The following XPO4 variants were observed in gnomAD, a reference collection of about 807,000 sequenced individuals.
The protein encoded by XPO4 is exportin 4.
A neutral mutation model predicts 143.0 loss-of-function variants in XPO4; 39 were observed. The ratio of observed to expected loss-of-function variants is 0.27; its 90% CI spans 0.21 to 0.36. The LOEUF (loss-of-function observed/expected upper bound fraction) is 0.36. Among genes scored for constraint, XPO4 ranks in the 10% least tolerant of loss-of-function variants. The pLI is 1.00. For missense variants in XPO4, 907 were observed against 1,348.0 expected (o/e 0.67, Z 5.12); for synonymous variants, 439 against 474.0 (o/e 0.93, Z 0.96).
chr13:20,842,416 TAAAGG>T (rs2059985668), intron 6 of XPO4, among the ~76,000 whole-genome samples: 6 of 152,206 alleles, frequency 3.9e-5, no homozygotes, highest in African/African-American at 1.4e-4. Flanking sequence ...TTTATACTGG[TAAAGG>T]CCCTTGAAGA....
At chr13:20,900,545 A>T (rs573692728) in intron 1 of XPO4, among the ~76,000 whole-genome samples, 1 of 152,318 alleles carries the variant, frequency 6.6e-6, no homozygotes, top group South Asian at 2.1e-4. Flanking sequence ...AAGAAATAAT[A>T]CAATAACTAC....
intron 6 of XPO4, among the ~76,000 whole-genome samples, chr13:20,837,732 A>G (rs2059932586): frequency 6.6e-6 from 1 of 152,218 alleles, no homozygotes; most frequent in African/African-American, 2.4e-5. Context: ...AGGAAGAGCA[A>G]GTCCCGTCTT....
At chr13:20,880,638 C>T (rs2060399789) in intron 1 of XPO4, among the ~76,000 whole-genome samples, 1 of 152,098 alleles carries the variant, frequency 6.6e-6, no homozygotes, top group African/African-American at 2.4e-5. Context: ...TATATTCACA[C>T]AATGGAATAT....
chr13:20,827,014 G>GC, intron 7 of XPO4, 53 bp downstream of exon 7: 1 of 1,264,674 alleles, frequency 7.9e-7, no homozygotes, highest in East Asian at 2.3e-5. Context: ...ACTCGCCAAG[G>GC]CATTTCCTCT....
At chr13:20,812,536 TAAAA>T (rs148180556) in intron 9 of XPO4, among the ~76,000 whole-genome samples, 1 of 146,996 alleles carries the variant, frequency 6.8e-6, no homozygotes, top group Admixed American at 6.8e-5. Flanking sequence ...TACAAATCAT[TAAAA>T]AAAAAACTTT....
intron 1 of XPO4, among the ~76,000 whole-genome samples, chr13:20,896,066 C>T (rs927006931): frequency 6.6e-6 from 1 of 152,128 alleles, no homozygotes; most frequent in Non-Finnish European, 1.5e-5. Context: ...AGCATACTTC[C>T]CTATACCTTT....
chr13:20,827,679 T>C (rs1595102587), intron 6 of XPO4, among the ~76,000 whole-genome samples: 1 of 151,874 alleles, frequency 6.6e-6, no homozygotes, highest in Non-Finnish European at 1.5e-5. Context: ...AGTAAACACA[T>C]ATAATATTAA....
In XPO4 at chr13:20,803,182, C is replaced by T. The variant is rs139882518; in HGVS notation, c.1818-2192G>A. Among the ~76,000 whole-genome samples, 363 of 152,302 alleles carry T rather than the reference C, an allele frequency of 2.4e-3. 5 individuals are homozygous for T. The highest frequency in any genetic ancestry group is 8.0e-3 in the Admixed American group (123 of 15,306). ...ACCAAAAATCACAGAGATCTACCAA[C>T]AAAAATTATTTTTAATCATCTCTTG... On this transcript the variant is annotated intron_variant, in intron 13 of 22. Transcript: ENST00000255305. This position sits in a 1 kb window ranked among gnomAD's most constrained non-coding sequence, Gnocchi z 4.1.
intron 3 of XPO4, among the ~76,000 whole-genome samples, chr13:20,862,073 C>T (rs937008983): frequency 6.6e-6 from 1 of 152,150 alleles, no homozygotes; most frequent in African/African-American, 2.4e-5. Flanking sequence ...AGGTGTGAGT[C>T]ACCACACCCA....
intron 4 of XPO4, among the ~76,000 whole-genome samples, chr13:20,853,507 T>C (rs954808963): frequency 4.6e-5 from 7 of 152,048 alleles, no homozygotes; most frequent in Admixed American, 1.3e-4. Context: ...TTAAAAAAAG[T>C]AGCTCCCCAT....
In XPO4 at chr13:20,821,881, A is replaced by G; in HGVS notation, c.999-3T>C. On this transcript the variant is annotated splice_polypyrimidine_tract_variant and splice_region_variant and intron_variant, in intron 8 of 22. Transcript: ENST00000255305. ...CTTCAGAATCTTCTATTTCAATTCTAAAACCAAGGAATGAGTATTATTAAG... is the reference window on the plus strand; with the variant it reads ...CTTCAGAATCTTCTATTTCAATTCTGAAACCAAGGAATGAGTATTATTAAG... The G allele has an allele frequency of 6.2e-7, 1 of 1,612,182 alleles. No individual in the cohort carries two copies. The highest frequency in any genetic ancestry group is 8.5e-7 in the Non-Finnish European group (1 of 1,179,044).
chr13:20,824,129 T>C (rs2059755019), intron 7 of XPO4, among the ~76,000 whole-genome samples: 1 of 152,246 alleles, frequency 6.6e-6, no homozygotes, highest in South Asian at 2.1e-4. Flanking sequence ...AAATCCTTGG[T>C]CTAAAATACA....
chr13:20,787,074 C>T lies in XPO4; in HGVS notation c.3166-17G>A, dbSNP rs907967888. 6 of 1,552,176 alleles carry T rather than the reference C, an allele frequency of 3.9e-6. No individual in the cohort carries two copies. The East Asian group carries it at 1.4e-4, about 37-fold the overall frequency. The stretch of plus-strand genomic sequence containing the variant: ...AAAAACCAGCTGAAATTACATAAGA[C>T]TTCTAAATAAAAACATAGGATGATC... On this transcript the variant is annotated splice_polypyrimidine_tract_variant and intron_variant, in intron 21 of 22. Transcript: ENST00000255305.
rs1469708941 is a variant in XPO4, at chr13:20,788,498, A to G, written c.3035T>C (p.Leu1012Ser). 1 of 1,611,152 alleles carries G rather than the reference A, an allele frequency of 6.2e-7. No homozygotes were observed. Among genetic ancestry groups the G allele is most frequent in the East Asian group, 2.2e-5 (1 of 44,680 alleles). Residue 1012 changes from leucine (L) to serine (S), a missense_variant, in exon 20 of 23, where the codon TTA becomes TCA. By Grantham distance (145) the Leu-to-Ser change is moderately radical (BLOSUM62 -2). Coordinates refer to ENST00000255305, the MANE Select transcript of XPO4 (RefSeq NM_022459.5). Reference sequence around the variant, plus strand: ...ATTTAAAGGATATGATGTCATTCCTAATTCTAGGGAGTACATCAGACTTTT... The same window carrying G: ...ATTTAAAGGATATGATGTCATTCCTGATTCTAGGGAGTACATCAGACTTTT... ...LFKSLMYSLE[L>S]GMTSMSSEVC...
intron 1 of XPO4, among the ~76,000 whole-genome samples, chr13:20,869,285 C>G (rs968012631): frequency 1.3e-5 from 2 of 152,132 alleles, no homozygotes; most frequent in African/African-American, 4.8e-5. Context: ...CTAGACTTCT[C>G]TCTTAACAAA....
At chr13:20,831,678 C>T (rs1446604583) in intron 6 of XPO4, among the ~76,000 whole-genome samples, 1 of 152,014 alleles carries the variant, frequency 6.6e-6, no homozygotes, top group East Asian at 1.9e-4. Flanking sequence ...GAAAGCCAAA[C>T]AGAGCTGCTT....
chr13:20,842,227 A>G (rs1024599841), intron 6 of XPO4, among the ~76,000 whole-genome samples: 2 of 152,178 alleles, frequency 1.3e-5, no homozygotes, highest in South Asian at 2.1e-4. Context: ...TAGTCACTGT[A>G]TATTACTATC....
chr13:20,859,461 G>A (rs925845236), intron 3 of XPO4, among the ~76,000 whole-genome samples: 11 of 152,066 alleles, frequency 7.2e-5, no homozygotes, highest in Non-Finnish European at 1.2e-4. Context: ...TTAGCCAGGC[G>A]TGGTGGTGGG....
Position 20,783,560 on chromosome 13 carries a change from G to T in XPO4, c.*162C>A. 2 of 665,108 alleles carry T rather than the reference G, an allele frequency of 3.0e-6. No homozygotes were observed. Among genetic ancestry groups the T allele is most frequent in the South Asian group, 3.8e-5 (2 of 52,756 alleles). 41.2% of individuals were successfully genotyped at this position (665,108 alleles called of 1,614,324 possible). A position where few individuals can be genotyped will look rare whatever the true frequency, so the allele number is the denominator to read the frequency against. ...TAACAGCAGAAGCTGATGCCAAGTT[G>T]ACCTCTCCTGTTTCACTGTATTACA... On this transcript the variant is annotated 3_prime_UTR_variant, in exon 23 of 23. Coordinates refer to ENST00000255305, the MANE Select transcript of XPO4 (RefSeq NM_022459.5).
Sources: allele counts gnomAD v4.1 joint callset (sites outside exome capture counted in the v4.1 genomes callset), GRCh38; gene constraint gnomAD v4.1.1; non-coding constraint Gnocchi (gnomAD v3.1); transcripts MANE v1.5; gene names NCBI Gene and HGNC (gene_info 2026-07-23, HGNC 2026-07-21).